The following ZFR2 variants were observed in gnomAD, a reference collection of about 807,000 sequenced individuals.
ZFR2 encodes zinc finger RNA-binding protein 2.
In ZFR2, 104 loss-of-function variants were observed where a neutral mutation model predicts 105.7. The observed-to-expected ratio is 0.98, with a 90% CI of 0.84 to 1.16. The LOEUF is 1.16. Among genes scored for constraint, ZFR2 ranks in the 50% most tolerant of loss-of-function variants. ZFR2 has a pLI of 0.00. For synonymous variants in ZFR2, 634 were observed against 597.7 expected (o/e 1.06, Z -0.89); for missense variants, 1,425 against 1,355.5 (o/e 1.05, Z -0.80).
In ZFR2 at chr19:3,830,027, G is replaced by A. The variant is rs539258433; in HGVS notation, c.852+1276C>T. ...ATTAAATAACCCACACGGGCCTGGC[G>A]CAGGGACTCAGCTTGTCATCCTGGC... On this transcript the variant is annotated intron_variant, in intron 5 of 18. Coordinates refer to ENST00000262961, the MANE Select transcript of ZFR2 (RefSeq NM_015174.2). Among the ~76,000 whole-genome samples, 10 of 152,272 alleles carry A rather than the reference G, an allele frequency of 6.6e-5. No homozygotes were observed. In the South Asian group the frequency reaches 8.3e-4, roughly 13 times the overall value.
rs1325303734 is a variant in ZFR2 at position 3,808,968 on chromosome 19, C to A, written c.2449G>T (p.Val817Leu). The change falls in exon 17 of 19, where the codon GTG becomes TTG. Residue 817 changes from valine to leucine, a missense_variant. Physicochemically the swap from Val to Leu is conservative, Grantham distance 32. Transcript: ENST00000262961. ...ALPAWAMELL[V>L]EKAVSSAAGP... Reference sequence around the variant, plus strand: ...GCCGCACTGCTCACAGCCTTCTCCACCAGCAGCTCCATGGCCTGGTGGGGA... The same window carrying A: ...GCCGCACTGCTCACAGCCTTCTCCAACAGCAGCTCCATGGCCTGGTGGGGA... 3.2e-6 allele frequency: 5 copies of A among 1,560,526 alleles called. No individual in the cohort carries two copies. The highest frequency in any genetic ancestry group is 4.3e-6 in the Non-Finnish European group (5 of 1,155,260).
rs1321952288 is a variant in ZFR2 at position 3,823,091 on chromosome 19, C to G, written c.1371+155G>C. Among the ~76,000 whole-genome samples, 1 of 152,160 alleles carries G rather than the reference C, an allele frequency of 6.6e-6. No homozygotes were observed. The highest frequency in any genetic ancestry group is 1.9e-4 in the East Asian group (1 of 5,186). ...ACCCAAAGTGTCAAGCGGGTCTGCA[C>G]GGGGTTTTGGTCCATGGAGGTCTGG... On this transcript the variant is annotated intron_variant, in intron 8 of 18. Transcript: ENST00000262961. This position sits in a 1 kb window ranked among gnomAD's most constrained non-coding sequence, Gnocchi z 5.4.
At chr19:3,827,796 T>C (rs1374179651) in intron 5 of ZFR2, 143 bp from the exon 6 acceptor site, 4 of 884,784 alleles carry the variant, frequency 4.5e-6, no homozygotes, top group Admixed American at 3.0e-5. Flanking sequence ...CCTGGTGCCA[T>C]GGAGGTTCCA....
At chr19:3,821,604 C>CCTTT (rs760895633) in intron 9 of ZFR2, 125 bp from the exon 10 acceptor site, 3 of 248,436 alleles carry the variant, frequency 1.2e-5, no homozygotes, top group South Asian at 1.5e-4. Flanking sequence ...CTCCCAAAGC[C>CCTTT]TTTTTTTTTT....
chr19:3,812,828 C>A (rs1468723293), intron 14 of ZFR2, among the ~76,000 whole-genome samples: 2 of 152,156 alleles, frequency 1.3e-5, no homozygotes, highest in African/African-American at 2.4e-5. Context: ...CCTGTAATCC[C>A]AGCACTTTGG....
In ZFR2 at chr19:3,827,501, C is replaced by T. The variant is rs1367935140; in HGVS notation, c.1005G>A (p.Ala335=). Residue 335 remains alanine (A), a synonymous_variant, in exon 6 of 19, where the codon GCG becomes GCA. Coordinates refer to ENST00000262961, the MANE Select transcript of ZFR2 (RefSeq NM_015174.2). ...GGTGCTTGGATCCCCGGATGTGGGCCGCGTAGGCGTCCGCCCCGGTGCAGG... is the reference window on the plus strand; with the variant it reads ...GGTGCTTGGATCCCCGGATGTGGGCTGCGTAGGCGTCCGCCCCGGTGCAGG... The part of the protein sequence containing the change: ...AVSCTGADAY[A]AHIRGSKHQK... 3.9e-6 allele frequency: 6 copies of T among 1,554,082 alleles called. No individual in the cohort carries two copies. Among genetic ancestry groups the T allele is most frequent in the East Asian group, 2.4e-5 (1 of 41,214 alleles).
chr19:3,860,684 T>C (rs2038363153), intron 1 of ZFR2, among the ~76,000 whole-genome samples: 1 of 152,118 alleles, frequency 6.6e-6, no homozygotes, highest in Non-Finnish European at 1.5e-5. Flanking sequence ...AGGCATTAGC[T>C]ACGTGCCCTC....
In ZFR2 at chr19:3,813,804, A is replaced by AT. The variant is rs1329406151; in HGVS notation, c.2242+15_2242+16insA. ...CGTGAGGGGGACAGTGGTTGGAAGG[A>AT]AGGGCTGGGCCGCACCTGGGTCTGT... is the stretch of plus-strand genomic sequence containing the variant. On this transcript the variant is annotated intron_variant, in intron 14 of 18. Transcript: ENST00000262961. The surrounding 1 kb of genome is among the most constrained non-coding windows in gnomAD (Gnocchi z 4.4). The AT allele has an allele frequency of 6.2e-7, 1 of 1,612,934 alleles. No homozygotes were observed. Among genetic ancestry groups the AT allele is most frequent in the Admixed American group, 1.7e-5 (1 of 59,948 alleles).
rs753501841 is a variant in ZFR2 at position 3,823,031 on chromosome 19, G to A, written c.1371+215C>T. On this transcript the variant is annotated intron_variant, in intron 8 of 18. Transcript: ENST00000262961. The surrounding 1 kb of genome is among the most constrained non-coding windows in gnomAD (Gnocchi z 5.4). ...TCGGCCTGTCTCTGGCCCTCACGGG[G>A]CCATATTCATTTCCTGCTGATACCA... 6.6e-6 allele frequency among the ~76,000 whole-genome samples: 1 copy of A among 152,240 alleles called. No homozygotes were observed. Among genetic ancestry groups the A allele is most frequent in the African/African-American group, 2.4e-5 (1 of 41,476 alleles).
intron 12 of ZFR2, among the ~76,000 whole-genome samples, 153 bp from the exon 13 acceptor site, chr19:3,816,998 G>A (rs1306311320): frequency 6.6e-6 from 1 of 152,160 alleles, no homozygotes; most frequent in East Asian, 1.9e-4. Context: ...CCGCTCTGTC[G>A]GAGGCGCTTG....
chr19:3,829,282 C>T (rs1168200355), intron 5 of ZFR2, among the ~76,000 whole-genome samples: 2 of 151,280 alleles, frequency 1.3e-5, no homozygotes, highest in Non-Finnish European at 2.9e-5. Flanking sequence ...CAGTCTTGAA[C>T]CTCATAAATA....
intron 6 of ZFR2, among the ~76,000 whole-genome samples, chr19:3,825,720 G>A (rs953355709): frequency 6.6e-6 from 1 of 152,166 alleles, no homozygotes; most frequent in South Asian, 2.1e-4. Flanking sequence ...CTGCCAGGTG[G>A]GGCCGTTTCT....
At position 3,862,121 on chromosome 19, in the gene ZFR2, GA is replaced by G. The variant is rs749104280; in HGVS notation, c.53+6843del. Among the ~76,000 whole-genome samples the G allele has an allele frequency of 1.1e-4, 17 of 152,222 alleles. 2 individuals carry two copies. Among genetic ancestry groups the G allele is most frequent in the East Asian group, 3.9e-4 (2 of 5,192 alleles). ...AAAAGACTGTTTTCCAGGGCCATTT[GA>G]AAATGCTTTTAAATCTGATGTATTT... On this transcript the variant is annotated intron_variant, in intron 1 of 18. Transcript: ENST00000262961.
At chr19:3,852,185 G>C in intron 1 of ZFR2, 1 of 466,410 alleles carries the variant, frequency 2.1e-6, no homozygotes, top group Non-Finnish European at 3.9e-6. Flanking sequence ...TGGCTCTCCT[G>C]GCCAAGGCGG....
At chr19:3,844,018 G>GGT (rs55802226) in intron 1 of ZFR2, among the ~76,000 whole-genome samples, 73,997 of 118,932 alleles carry the variant, frequency 0.62, 25,737 homozygotes, top group African/African-American at 0.75. Context: ...GGATGTGGGG[G>GGT]GGGGGGTGCC....
At chr19:3,808,168 T>C (rs1172751955) in intron 17 of ZFR2, among the ~76,000 whole-genome samples, 1 of 150,870 alleles carries the variant, frequency 6.6e-6, no homozygotes, top group Non-Finnish European at 1.5e-5. Flanking sequence ...TGTCCATGTG[T>C]GTGCCTGTGC....
intron 1 of ZFR2, among the ~76,000 whole-genome samples, chr19:3,844,022 G>T (rs2038163298): frequency 6.8e-6 from 1 of 148,026 alleles, no homozygotes. Context: ...GTGGGGGGGG[G>T]GGTGCCAGGG....
At chr19:3,848,228 A>G (rs1305006262) in intron 1 of ZFR2, among the ~76,000 whole-genome samples, 1 of 152,140 alleles carries the variant, frequency 6.6e-6, no homozygotes, top group Non-Finnish European at 1.5e-5. Context: ...CCTGGCCAAC[A>G]TGGTGAAACC....
At chr19:3,839,536 CAAAAAAAAAAAAAAAAAAAAAAAAAAAA>C (rs60712587) in intron 1 of ZFR2, among the ~76,000 whole-genome samples, 16 of 36,640 alleles carry the variant, frequency 4.4e-4, no homozygotes, top group Middle Eastern at 0.024. Context: ...GGGATTCTGT[CAAAAAAAAAAAAAAAAAAAAAAAAAAAA>C]AAAAAAAAAA....
Sources: gnomAD v4.1 joint callset for allele counts (sites outside exome capture counted in the v4.1 genomes callset) on GRCh38, gnomAD v4.1.1 for gene constraint, Gnocchi (gnomAD v3.1) non-coding constraint, MANE v1.5 for transcripts, NCBI Gene and HGNC (gene_info 2026-07-23, HGNC 2026-07-21) for gene names.